Variants in SLC9A9 observed in about 807,000 individuals in gnomAD.
SLC9A9 encodes the protein solute carrier family 9 member A9.
Under a neutral mutation model 77.8 loss-of-function variants are expected in SLC9A9, and 62 were observed. The ratio of observed to expected loss-of-function variants is 0.80; its 90% confidence interval spans 0.65 to 0.98. The LOEUF (loss-of-function observed/expected upper bound fraction) is 0.98, where lower values mean the gene tolerates loss of function less well. SLC9A9 is among the 50% of genes least tolerant of loss of function. SLC9A9 has a pLI of 0.00. For synonymous variants in SLC9A9, 320 were observed against 283.5 expected (o/e 1.13, Z -1.29); for missense variants, 775 against 774.9 (o/e 1.00, Z 0.00).
rs184141455 is a variant in SLC9A9, at chr3:143,668,941, T to C, written c.650-16581A>G. On this transcript the variant is annotated intron_variant, in intron 5 of 15. Transcript: ENST00000316549. ...ATTCTTGTCCTTTCTTGGCCGCTTT[T>C]CAAGAAATCCTGCCCAAGAGGCACC... is the stretch of plus-strand genomic sequence containing the variant. Among the ~76,000 whole-genome samples the C allele has an allele frequency of 1.3e-3, 195 of 152,116 alleles. 1 individual carries two copies. Among genetic ancestry groups the C allele is most frequent in the African/African-American group, 4.3e-3 (178 of 41,368 alleles).
intron 12 of SLC9A9, among the ~76,000 whole-genome samples, chr3:143,439,683 C>T (rs1306211161): frequency 6.6e-6 from 1 of 152,166 alleles, no homozygotes; most frequent in South Asian, 2.1e-4. Flanking sequence ...TGTCATTCTT[C>T]CCTGTATCCC....
chr3:143,368,070 T>C (rs896237939), intron 13 of SLC9A9, among the ~76,000 whole-genome samples: 1 of 152,180 alleles, frequency 6.6e-6, no homozygotes, highest in Non-Finnish European at 1.5e-5. Flanking sequence ...GTTTGATACA[T>C]TGGGATTTTC....
chr3:143,593,066 TA>T (rs971026693), intron 6 of SLC9A9, among the ~76,000 whole-genome samples: 6 of 151,660 alleles, frequency 4.0e-5, no homozygotes, highest in African/African-American at 1.5e-4. Flanking sequence ...AGGAGAGAAT[TA>T]AAAAAAAATT....
At chr3:143,734,033 C>CA (rs1373035932) in intron 4 of SLC9A9, among the ~76,000 whole-genome samples, 2 of 151,920 alleles carry the variant, frequency 1.3e-5, no homozygotes, top group African/African-American at 4.8e-5. Context: ...CCTGTGTCTA[C>CA]AAAAAATAGA....
chr3:143,804,116 G>A (rs1419771004), intron 2 of SLC9A9, among the ~76,000 whole-genome samples: 3 of 151,968 alleles, frequency 2.0e-5, no homozygotes, highest in Non-Finnish European at 4.4e-5. Context: ...TCACCTTCTC[G>A]ATGTTCCTTC....
chr3:143,334,395 T>C (rs2031863725), intron 14 of SLC9A9, among the ~76,000 whole-genome samples: 2 of 152,210 alleles, frequency 1.3e-5, no homozygotes, highest in South Asian at 4.1e-4. Context: ...TGAAAAGTGA[T>C]AGATACCACA....
chr3:143,342,149 C>T (rs952920726), intron 14 of SLC9A9: 5 of 151,920 alleles, frequency 3.3e-5, no homozygotes, highest in Non-Finnish European at 7.4e-5. Context: ...TGTTGGGTCC[C>T]TTAGGAAGGG....
chr3:143,529,237 G>A (rs1356866742), intron 9 of SLC9A9, among the ~76,000 whole-genome samples: 1 of 152,160 alleles, frequency 6.6e-6, no homozygotes, highest in African/African-American at 2.4e-5. Flanking sequence ...CCGCAATACT[G>A]AGATAGCTAA....
intron 6 of SLC9A9, 135 bp downstream of exon 6, chr3:143,652,120 A>G: frequency 1.4e-6 from 1 of 720,352 alleles, no homozygotes; most frequent in Non-Finnish European, 2.4e-6. Context: ...TGTGCCCATT[A>G]TGGAAATTTT....
At chr3:143,464,005 G>T (rs528722035) in intron 12 of SLC9A9, among the ~76,000 whole-genome samples, 1 of 151,662 alleles carries the variant, frequency 6.6e-6, no homozygotes, top group Non-Finnish European at 1.5e-5. Flanking sequence ...AATTTTATGG[G>T]GATTAAAAAA....
rs75379650 is a variant in SLC9A9, at chr3:143,523,670, T to C, written c.1090-28222A>G. 4.8e-3 allele frequency among the ~76,000 whole-genome samples: 736 copies of C among 152,288 alleles called. 34 individuals carry two copies. The East Asian group carries it at 0.091, about 19-fold the overall frequency. ...TGCAAACTTGTTATATACTTCCCTTTCTGGCAAACATGAAAGGATCGATGA... is the reference window on the plus strand; with the variant it reads ...TGCAAACTTGTTATATACTTCCCTTCCTGGCAAACATGAAAGGATCGATGA... On this transcript the variant is annotated intron_variant, in intron 9 of 15. Coordinates refer to ENST00000316549, the MANE Select transcript of SLC9A9 (RefSeq NM_173653.4).
At chr3:143,387,540 G>A (rs1007593390) in intron 12 of SLC9A9, among the ~76,000 whole-genome samples, 13 of 152,216 alleles carry the variant, frequency 8.5e-5, no homozygotes, top group African/African-American at 2.9e-4. Flanking sequence ...TTTTAAGCAA[G>A]TTGAGTGCTG....
intron 11 of SLC9A9, among the ~76,000 whole-genome samples, chr3:143,481,582 G>A (rs1221811500): frequency 6.6e-6 from 1 of 152,130 alleles, no homozygotes; most frequent in Non-Finnish European, 1.5e-5. Context: ...TGAAGAGAGA[G>A]GTTCAGAAGA....
intron 14 of SLC9A9, among the ~76,000 whole-genome samples, chr3:143,356,164 C>G (rs538474127): frequency 2.6e-5 from 4 of 152,220 alleles, no homozygotes; most frequent in African/African-American, 9.6e-5. Flanking sequence ...AGTCACTTGT[C>G]AGGTCTCCAG....
intron 4 of SLC9A9, among the ~76,000 whole-genome samples, chr3:143,699,895 G>A (rs1933747887): frequency 6.6e-6 from 1 of 151,876 alleles, no homozygotes; most frequent in African/African-American, 2.4e-5. Flanking sequence ...TCAACCGTAG[G>A]CTGCACAGCT....
rs545411982 is a variant in SLC9A9, at chr3:143,740,149, G to A, written c.534-46842C>T. Among the ~76,000 whole-genome samples the A allele has an allele frequency of 3.3e-5, 5 of 152,290 alleles. No individual in the cohort carries two copies. The East Asian group carries it at 5.8e-4, about 18-fold the overall frequency. On this transcript the variant is annotated intron_variant, in intron 4 of 15. Transcript: ENST00000316549. ...GAAGCCGCCAACTTGGTGAGAAGTA[G>A]CAAAGTTATGGATTAACTGTTGCTT...
chr3:143,576,259 A>AGTGTTCTT (rs1168976472), intron 7 of SLC9A9, among the ~76,000 whole-genome samples: 1 of 152,238 alleles, frequency 6.6e-6, no homozygotes, highest in African/African-American at 2.4e-5. Flanking sequence ...GGATAGTAAC[A>AGTGTTCTT]GTATCTACCT....
At chr3:143,598,867 T>C (rs1271498991) in intron 6 of SLC9A9, among the ~76,000 whole-genome samples, 4 of 152,244 alleles carry the variant, frequency 2.6e-5, no homozygotes, top group African/African-American at 9.6e-5. Context: ...AAAAGATACC[T>C]GTCAAGCTCA....
intron 4 of SLC9A9, among the ~76,000 whole-genome samples, chr3:143,703,205 A>T (rs1313741845): frequency 6.6e-6 from 1 of 152,118 alleles, no homozygotes; most frequent in Non-Finnish European, 1.5e-5. Flanking sequence ...CTTACTCTAC[A>T]CTATAGACCA....
Sources: gnomAD v4.1 joint callset for allele counts (sites outside exome capture counted in the v4.1 genomes callset) on GRCh38, gnomAD v4.1.1 for gene constraint, MANE v1.5 for transcripts, NCBI Gene and HGNC (gene_info 2026-07-23, HGNC 2026-07-21) for gene names.